ACAP2: variants seen among roughly 807,000 people sequenced by gnomAD.
ACAP2 encodes the protein ArfGAP with coiled-coil, ankyrin repeat and PH domains 2, also known as arf-GAP with coiled-coil, ANK repeat and PH domain-containing protein 2.
Under a neutral mutation model 115.8 loss-of-function variants are expected in ACAP2, and 39 were observed. That is an observed-to-expected ratio of 0.34 (90% CI 0.26 to 0.44). The LOEUF (loss-of-function observed/expected upper bound fraction) is 0.44. Among genes scored for constraint, ACAP2 ranks in the 20% least tolerant of loss-of-function variants. The pLI is 1.00. For missense variants in ACAP2, 662 were observed against 927.6 expected, an observed-to-expected ratio of 0.71 and a Z score of 3.72; for synonymous variants, 289 against 315.8, an observed-to-expected ratio of 0.92 and a Z score of 0.90.
chr3:195,409,732 T>A (rs185774152), intron 1 of ACAP2, among the ~76,000 whole-genome samples: 1 of 151,300 alleles, frequency 6.6e-6, no homozygotes, highest in Admixed American at 6.6e-5. Flanking sequence ...AAAAATTAGC[T>A]GGGTGTGGTG....
At chr3:195,320,070 A>ACT (rs1421930321) in intron 10 of ACAP2, among the ~76,000 whole-genome samples, 1 of 151,690 alleles carries the variant, frequency 6.6e-6, no homozygotes, top group Non-Finnish European at 1.5e-5. Flanking sequence ...TCCCCTGAGC[A>ACT]CTCTCTCTCT....
intron 4 of ACAP2, among the ~76,000 whole-genome samples, chr3:195,376,798 C>T (rs1733576403): frequency 6.6e-6 from 1 of 152,162 alleles, no homozygotes; most frequent in African/African-American, 2.4e-5. Context: ...GTAAATGACA[C>T]CTCTGGAATA....
chr3:195,336,860 T>C (rs889548133), intron 7 of ACAP2, 72 bp downstream of exon 7: 1 of 1,245,186 alleles, frequency 8.0e-7, no homozygotes, highest in Non-Finnish European at 1.2e-6. Flanking sequence ...GCAGATGCTC[T>C]TTCAACACCT....
chr3:195,308,898 A>T, intron 10 of ACAP2, 61 bp from the exon 11 acceptor site: 1 of 1,463,730 alleles, frequency 6.8e-7, no homozygotes, highest in East Asian at 2.3e-5. Context: ...TTGTTGTTAG[A>T]AATGAAATAT....
At chr3:195,288,253 C>G (rs1236165986) in intron 21 of ACAP2, among the ~76,000 whole-genome samples, 3 of 152,184 alleles carry the variant, frequency 2.0e-5, no homozygotes, top group Admixed American at 2.0e-4. Context: ...ACTAAAATCT[C>G]AAATTATCTA....
In ACAP2 at chr3:195,375,507, CAAAAA is replaced by C. The variant is rs77856053; in HGVS notation, c.285+5497_285+5501del. 4.8e-5 allele frequency among the ~76,000 whole-genome samples: 5 copies of C among 103,722 alleles called. No homozygotes were observed. In the East Asian group the frequency reaches 7.0e-4, roughly 15 times the overall value. The allele number at this position is 103,722 out of a possible 152,430, so 68.0% of individuals were successfully genotyped here. A position where few individuals can be genotyped will look rare whatever the true frequency, so the allele number is the denominator to read the frequency against. On this transcript the variant is annotated intron_variant, in intron 4 of 22. Transcript: ENST00000326793. ...GCTCTAAATTGAAAAATCAACTGTACAAAAAAAAAAAAAAAAAATACTGGCCAGGC... is the reference window on the plus strand; with the variant it reads ...GCTCTAAATTGAAAAATCAACTGTACAAAAAAAAAAAAATACTGGCCAGGC...
intron 3 of ACAP2, among the ~76,000 whole-genome samples, chr3:195,381,679 A>G (rs980417991): frequency 1.7e-4 from 26 of 152,120 alleles, no homozygotes; most frequent in Admixed American, 1.6e-3. Context: ...CACAACAATG[A>G]GAAACTAGGT....
intron 9 of ACAP2, among the ~76,000 whole-genome samples, chr3:195,321,033 C>A (rs1160359231): frequency 6.6e-6 from 1 of 151,856 alleles, no homozygotes; most frequent in Admixed American, 6.6e-5. Flanking sequence ...TTATGCAATA[C>A]TTATTGTGAT....
At chr3:195,327,848 T>C (rs1729897544) in intron 8 of ACAP2, among the ~76,000 whole-genome samples, 1 of 151,974 alleles carries the variant, frequency 6.6e-6, no homozygotes, top group Non-Finnish European at 1.5e-5. Context: ...GCAGAATCAC[T>C]TGAACCCACG....
At chr3:195,442,758 C>G (rs1716117037) in intron 1 of ACAP2, 37 bp downstream of exon 1, 6 of 1,525,746 alleles carry the variant, frequency 3.9e-6, no homozygotes, top group African/African-American at 1.4e-5. Context: ...GCCGGGAAGG[C>G]AGCTCCGCGG....
At chr3:195,436,308 A>G (rs1174336997) in intron 1 of ACAP2, among the ~76,000 whole-genome samples, 1 of 150,880 alleles carries the variant, frequency 6.6e-6, no homozygotes, top group South Asian at 2.1e-4. Context: ...GTTTTTTTGT[A>G]TTGTGGGTAG....
intron 4 of ACAP2, among the ~76,000 whole-genome samples, chr3:195,347,309 T>C (rs1490826058): frequency 6.6e-6 from 1 of 152,034 alleles, no homozygotes; most frequent in Non-Finnish European, 1.5e-5. Flanking sequence ...ATTGACCATA[T>C]AGTAGGGCAT....
In ACAP2 at chr3:195,342,661, A is replaced by C. The variant is rs757451924; in HGVS notation, c.345-7T>G. 3.8e-5 allele frequency: 60 copies of C among 1,579,548 alleles called. No homozygotes were observed. The highest frequency in any genetic ancestry group is 5.0e-5 in the Non-Finnish European group (59 of 1,169,996). On this transcript the variant is annotated splice_region_variant and splice_polypyrimidine_tract_variant and intron_variant, in intron 5 of 22. Coordinates refer to ENST00000326793, the MANE Select transcript of ACAP2 (RefSeq NM_012287.6). ...TTTGAATTTTCTAAGATCTCTAAGA[A>C]AAGAAAAACTTAGTGAAACTTTTAT...
rs1313277171 is a variant in ACAP2 at position 195,390,939 on chromosome 3, T to G, written c.111+1151A>C. 3.3e-5 allele frequency among the ~76,000 whole-genome samples: 5 copies of G among 152,254 alleles called. No homozygotes were observed. In the East Asian group the frequency reaches 9.7e-4, roughly 29 times the overall value. On this transcript the variant is annotated intron_variant, in intron 2 of 22. Coordinates refer to ENST00000326793, the MANE Select transcript of ACAP2 (RefSeq NM_012287.6). ...CATTCTACTGCTTCTGCCTACTATA[T>G]AGCAAACAGTGTTTCTTGGACAGAC...
At position 195,289,142 on chromosome 3, in the gene ACAP2, G is replaced by A. The variant is rs1215496559; in HGVS notation, c.2153C>T (p.Ala718Val). The A allele has an allele frequency of 6.2e-7, 1 of 1,610,190 alleles. No individual in the cohort carries two copies. Among genetic ancestry groups the A allele is most frequent in the African/African-American group, 1.3e-5 (1 of 74,664 alleles). ...TTACAAGGTGACTATATCAGCATTG[G>A]CTGCTTCCACAGCTATGCTCAAAGG... ...KDPLSIAVEAANADIVTLLRL... is the reference protein window; with the variant it reads ...KDPLSIAVEAVNADIVTLLRL... The change falls in exon 21 of 23, where the codon GCC becomes GTC. Residue 718 changes from alanine to valine, a missense_variant. By Grantham distance (64) the Ala-to-Val change is moderately conservative. Coordinates refer to ENST00000326793, the MANE Select transcript of ACAP2 (RefSeq NM_012287.6).
At chr3:195,396,812 A>AAAAAAAG (rs1711827152) in intron 1 of ACAP2, among the ~76,000 whole-genome samples, 1 of 149,784 alleles carries the variant, frequency 6.7e-6, no homozygotes, top group Non-Finnish European at 1.5e-5. Flanking sequence ...AAAAAAAAAA[A>AAAAAAAG]AAGAAGAAGT....
intron 10 of ACAP2, among the ~76,000 whole-genome samples, chr3:195,313,154 T>C (rs1560231658): frequency 6.6e-6 from 1 of 152,254 alleles, no homozygotes; most frequent in Non-Finnish European, 1.5e-5. Context: ...TATTAACTTT[T>C]TATACACATA....
chr3:195,399,974 T>C (rs1230729403), intron 1 of ACAP2, among the ~76,000 whole-genome samples: 1 of 149,988 alleles, frequency 6.7e-6, no homozygotes, highest in Non-Finnish European at 1.5e-5. Flanking sequence ...AGGTTGGGAG[T>C]TCGAGAGCAG....
chr3:195,298,057 A>G (rs1403477196), intron 15 of ACAP2, among the ~76,000 whole-genome samples: 1 of 152,214 alleles, frequency 6.6e-6, no homozygotes, highest in East Asian at 1.9e-4. Flanking sequence ...TAAAAGGGAC[A>G]CTAATACACA....
Sources: gnomAD v4.1 joint callset for allele counts (sites outside exome capture counted in the v4.1 genomes callset) on GRCh38, gnomAD v4.1.1 for gene constraint, MANE v1.5 for transcripts, NCBI Gene and HGNC (gene_info 2026-07-23, HGNC 2026-07-21) for gene names.